RUNX1: variants seen among roughly 807,000 people sequenced by gnomAD.
The protein encoded by RUNX1 is RUNX family transcription factor 1.
In RUNX1, 19 loss-of-function variants were observed where a neutral mutation model predicts 42.8. The observed-to-expected ratio is 0.44, with a 90% confidence interval of 0.31 to 0.65. The LOEUF (loss-of-function observed/expected upper bound fraction) is 0.65. RUNX1 is among the 30% of genes least tolerant of loss of function. The pLI is 0.07. For missense variants in RUNX1, 528 were observed against 672.0 expected, an observed-to-expected ratio of 0.79 and a Z score of 2.37; for synonymous variants, 271 against 289.4, an observed-to-expected ratio of 0.94 and a Z score of 0.64.
chr21:34,924,881 T>C (rs4817699), intron 2 of RUNX1, among the ~76,000 whole-genome samples: 118,633 of 152,088 alleles, frequency 0.78, 48,511 homozygotes, highest in South Asian at 0.93. Context: ...CATGCTGTCA[T>C]TGTATCCTCA....
chr21:34,930,382 G>A (rs954395710), intron 2 of RUNX1, among the ~76,000 whole-genome samples: 2 of 150,770 alleles, frequency 1.3e-5, no homozygotes, highest in East Asian at 3.9e-4. Flanking sequence ...ATGACTAGAG[G>A]AGGGATGGCC....
intron 2 of RUNX1, among the ~76,000 whole-genome samples, chr21:34,924,097 G>A (rs1358629435): frequency 1.3e-5 from 2 of 150,650 alleles, no homozygotes; most frequent in Non-Finnish European, 1.5e-5. Flanking sequence ...CCCACCCCCC[G>A]CCATGGTGGT....
chr21:34,993,832 C>T (rs1386948226), intron 2 of RUNX1, among the ~76,000 whole-genome samples: 8 of 150,856 alleles, frequency 5.3e-5, no homozygotes, highest in Non-Finnish European at 8.8e-5. Context: ...CACAGACACA[C>T]ACACAGACAC....
intron 7 of RUNX1, among the ~76,000 whole-genome samples, chr21:34,809,722 C>T (rs1252473544): frequency 6.6e-6 from 1 of 152,110 alleles, no homozygotes; most frequent in Non-Finnish European, 1.5e-5. Flanking sequence ...TGTGATATCT[C>T]TGGCTAAACA....
chr21:34,792,306 CGA>C lies in RUNX1; in HGVS notation c.1270_1271del (p.Ser424AlafsTer175). Reference protein sequence around the residue: ...YQFSMVGGERSPPRILPPCTN... With the variant: ...YQFSMVGGERXPPRILPPCTN... The stretch of plus-strand genomic sequence containing the variant: ...TGCAGGGCGGCAGGATGCGCGGCGG[CGA>C]GCGCTCGCCGCCCACCATGGAGAAC... On this transcript the variant is annotated frameshift_variant, in exon 9 of 9. Coordinates refer to ENST00000675419, the MANE Select transcript of RUNX1 (RefSeq NM_001754.5). LOFTEE classifies it high-confidence loss of function. The surrounding 1 kb of genome is among the most constrained non-coding windows in gnomAD (Gnocchi z 6.9). The C allele has an allele frequency of 1.6e-5, 22 of 1,382,886 alleles. No individual in the cohort carries two copies. Among genetic ancestry groups the C allele is most frequent in the East Asian group, 1.3e-4 (4 of 30,598 alleles). The allele number at this position is 1,382,886 out of a possible 1,614,324, so 85.7% of individuals were successfully genotyped here. A position where few individuals can be genotyped will look rare whatever the true frequency, so the allele number is the denominator to read the frequency against.
rs1336271532 is a variant in RUNX1 at position 34,833,024 on chromosome 21, C to T, written c.805+1386G>A. On this transcript the variant is annotated intron_variant, in intron 7 of 8. Transcript: ENST00000675419. ...AGAAGAACCTTCCCCAGAAACCTAA[C>T]AGTGAGAGCTAATGGCATGGGCTGT... 3 of 152,218 alleles carry T rather than the reference C, an allele frequency of 2.0e-5. No homozygotes were observed. The East Asian group carries it at 5.8e-4, about 29-fold the overall frequency. The allele number at this position is 152,218 out of a possible 1,614,324, so 9.4% of individuals were successfully genotyped here.
At chr21:35,038,642 TGTGTGA>T (rs1457617535) in intron 2 of RUNX1, 40 of 453,936 alleles carry the variant, frequency 8.8e-5, no homozygotes, top group African/African-American at 7.8e-4. Flanking sequence ...TGTGTGTGTG[TGTGTGA>T]GATAGAGAGA....
chr21:34,804,742 C>CTTTTTTTT (rs58321227), intron 7 of RUNX1, among the ~76,000 whole-genome samples: 1 of 132,656 alleles, frequency 7.5e-6, no homozygotes, highest in African/African-American at 2.8e-5. Flanking sequence ...GAGATGGAAA[C>CTTTTTTTT]TTTTTTTTTT....
At chr21:34,874,055 A>T (rs2834657) in intron 5 of RUNX1, among the ~76,000 whole-genome samples, 1 of 151,916 alleles carries the variant, frequency 6.6e-6, no homozygotes, top group African/African-American at 2.4e-5. Flanking sequence ...AGATGTTATT[A>T]GCATGAATTT....
chr21:34,867,769 A>G (rs567154823), intron 5 of RUNX1, among the ~76,000 whole-genome samples: 3 of 152,232 alleles, frequency 2.0e-5, no homozygotes, highest in Non-Finnish European at 4.4e-5. Flanking sequence ...GTTTTAACCA[A>G]AACACCCCAA....
At chr21:34,810,919 TC>T (rs2056749654) in intron 7 of RUNX1, among the ~76,000 whole-genome samples, 1 of 152,072 alleles carries the variant, frequency 6.6e-6, no homozygotes, top group African/African-American at 2.4e-5. Context: ...CAGCCAGAGT[TC>T]CAAGGTGCAC....
intron 2 of RUNX1, among the ~76,000 whole-genome samples, chr21:34,997,888 T>C (rs28360527): frequency 0.27 from 40,768 of 151,956 alleles, 5,782 homozygotes; most frequent in African/African-American, 0.34. Context: ...TTTTGGCCTT[T>C]TCTGTGCATT....
At chr21:34,967,755 C>T (rs1399844067) in intron 2 of RUNX1, among the ~76,000 whole-genome samples, 2 of 152,170 alleles carry the variant, frequency 1.3e-5, no homozygotes, top group Non-Finnish European at 2.9e-5. Context: ...GAGTGAAAGA[C>T]TGCAGCTAGA....
chr21:35,033,125 A>G (rs991834747), intron 2 of RUNX1, among the ~76,000 whole-genome samples: 4 of 151,870 alleles, frequency 2.6e-5, no homozygotes, highest in South Asian at 4.1e-4. Context: ...CTGCTGGCTC[A>G]TTCATTCATT....
rs138289410 is a variant in RUNX1, at chr21:34,933,063, T to C, written c.59-40100A>G. ...GTATTAAGAGAGTTTGCACAAAAAT[T>C]GTGGGACAGATATGGGTATAATGTG... On this transcript the variant is annotated intron_variant, in intron 2 of 8. Coordinates refer to ENST00000675419, the MANE Select transcript of RUNX1 (RefSeq NM_001754.5). Among the ~76,000 whole-genome samples the C allele has an allele frequency of 1.2e-3, 183 of 152,310 alleles. 2 individuals carry two copies. The highest frequency in any genetic ancestry group is 4.3e-3 in the African/African-American group (177 of 41,562).
At chr21:34,871,346 C>CTA (rs146719456) in intron 5 of RUNX1, among the ~76,000 whole-genome samples, 6,475 of 152,266 alleles carry the variant, frequency 0.043, 409 homozygotes, top group African/African-American at 0.15. Flanking sequence ...CAAGTGATCT[C>CTA]TGTCGAATCT....
rs753931767 is a variant in RUNX1 at position 34,791,548 on chromosome 21, A to T, written c.*587T>A. ...CTTTCCATGGTCAAAGCAAGAAAGAAGCAAGCTCAATTTATATATATTTAT... is the reference window on the plus strand; with the variant it reads ...CTTTCCATGGTCAAAGCAAGAAAGATGCAAGCTCAATTTATATATATTTAT... On this transcript the variant is annotated 3_prime_UTR_variant, in exon 9 of 9. Transcript: ENST00000675419. 1.3e-5 allele frequency: 3 copies of T among 230,912 alleles called. No homozygotes were observed. The highest frequency in any genetic ancestry group is 1.7e-5 in the Non-Finnish European group (2 of 116,584). The allele number at this position is 230,912 out of a possible 1,614,324, so 14.3% of individuals were successfully genotyped here.
intron 2 of RUNX1, among the ~76,000 whole-genome samples, chr21:34,965,678 A>G (rs1429212110): frequency 2.0e-5 from 3 of 149,918 alleles, no homozygotes; most frequent in Non-Finnish European, 4.4e-5. Context: ...TGGTGGTCAT[A>G]CTCACCAGTT....
chr21:35,023,538 G>T (rs1470758699), intron 2 of RUNX1, among the ~76,000 whole-genome samples: 1 of 152,226 alleles, frequency 6.6e-6, no homozygotes, highest in East Asian at 1.9e-4. Context: ...TAGCCGGGAG[G>T]CCAGAGGCAC....
Sources: gnomAD v4.1 joint callset for allele counts (sites outside exome capture counted in the v4.1 genomes callset) on GRCh38, gnomAD v4.1.1 for gene constraint, Gnocchi (gnomAD v3.1) non-coding constraint, MANE v1.5 for transcripts, NCBI Gene and HGNC (gene_info 2026-07-23, HGNC 2026-07-21) for gene names.